BICD1: variants seen among roughly 807,000 people sequenced by gnomAD.
BICD1 encodes protein bicaudal D homolog 1.
In BICD1, 35 loss-of-function variants were observed where a neutral mutation model predicts 92.5. The ratio of observed to expected loss-of-function variants is 0.38; its 90% CI spans 0.29 to 0.50. The LOEUF is 0.50. Among genes scored for constraint, BICD1 ranks in the 20% least tolerant of loss-of-function variants. BICD1 has a pLI of 0.93. For synonymous variants in BICD1, 429 were observed against 465.1 expected (o/e 0.92, Z 1.00); for missense variants, 950 against 1,189.8 (o/e 0.80, Z 2.97).
At chr12:32,212,903 A>G (rs1295954236) in intron 1 of BICD1, among the ~76,000 whole-genome samples, 3 of 152,102 alleles carry the variant, frequency 2.0e-5, no homozygotes, top group Admixed American at 6.5e-5. Flanking sequence ...ACATTTATTT[A>G]TTTTTTAACT....
intron 1 of BICD1, among the ~76,000 whole-genome samples, chr12:32,145,117 C>T (rs1433535994): frequency 6.6e-6 from 1 of 152,186 alleles, no homozygotes; most frequent in Non-Finnish European, 1.5e-5. Context: ...TTGCATATTT[C>T]AGCACTTTGT....
rs550967774 is a variant in BICD1, at chr12:32,173,916, A to G, written c.214-42331A>G. ...TTTCTTACCAAGATTTCCAGAAACT[A>G]TTTTCATATTGAAACAAAAACAAAA... On this transcript the variant is annotated intron_variant, in intron 1 of 9. Coordinates refer to ENST00000652176, the MANE Select transcript of BICD1 (RefSeq NM_001714.4). Among the ~76,000 whole-genome samples, 3 of 152,294 alleles carry G rather than the reference A, an allele frequency of 2.0e-5. No individual in the cohort carries two copies. The South Asian group carries it at 6.2e-4, about 32-fold the overall frequency.
rs1222510176 is a variant in BICD1 at position 32,348,759 on chromosome 12, T to A, written c.2764+9780T>A. Among the ~76,000 whole-genome samples the A allele has an allele frequency of 6.0e-3, 150 of 24,870 alleles. 1 individual carries two copies. The highest frequency in any genetic ancestry group is 0.055 in the African/African-American group (135 of 2,442). The allele number at this position is 24,870 out of a possible 152,430, so 16.3% of individuals were successfully genotyped here. On this transcript the variant is annotated intron_variant, in intron 8 of 9. Transcript: ENST00000652176. ...ATATATATATATATATATATATATATATATATATATATATATATATCAGCA... is the reference window on the plus strand; with the variant it reads ...ATATATATATATATATATATATATAAATATATATATATATATATATCAGCA...
intron 8 of BICD1, among the ~76,000 whole-genome samples, chr12:32,342,214 A>G (rs1565684621): frequency 7.3e-6 from 1 of 137,524 alleles, no homozygotes; most frequent in African/African-American, 3.0e-5. Flanking sequence ...GTATATATAT[A>G]TATATATATA....
chr12:32,269,110 A>G (rs1427268229), intron 2 of BICD1, among the ~76,000 whole-genome samples: 1 of 151,984 alleles, frequency 6.6e-6, no homozygotes, highest in African/African-American at 2.4e-5. Context: ...ACATTTTGAG[A>G]AACTTTGTTG....
intron 1 of BICD1, among the ~76,000 whole-genome samples, chr12:32,132,415 CAA>C (rs34771538): frequency 1.8e-3 from 198 of 109,326 alleles, no homozygotes; most frequent in African/African-American, 5.0e-3. Context: ...GACTCTGTCT[CAA>C]AAAAAAAAAA....
chr12:32,286,818 G>A (rs1947582108), intron 2 of BICD1, among the ~76,000 whole-genome samples: 1 of 152,060 alleles, frequency 6.6e-6, no homozygotes, highest in Non-Finnish European at 1.5e-5. Context: ...TAGGGACACA[G>A]GATAACAAGG....
At chr12:32,123,739 G>A (rs1445015102) in intron 1 of BICD1, among the ~76,000 whole-genome samples, 1 of 152,084 alleles carries the variant, frequency 6.6e-6, no homozygotes, top group Non-Finnish European at 1.5e-5. Flanking sequence ...TAAGCCAGGC[G>A]TGGTGGCAGG....
intron 2 of BICD1, among the ~76,000 whole-genome samples, chr12:32,277,479 A>T (rs10506084): frequency 0.035 from 5,321 of 152,302 alleles, 310 homozygotes; most frequent in African/African-American, 0.12. Flanking sequence ...TCATTTGGGT[A>T]ACTATATTCA....
chr12:32,324,466 T>C (rs1948729700), intron 4 of BICD1, among the ~76,000 whole-genome samples: 1 of 152,342 alleles, frequency 6.6e-6, no homozygotes, highest in African/African-American at 2.4e-5. Flanking sequence ...TTTTATCCTC[T>C]GCACTTTAAA....
chr12:32,233,191 G>A (rs1052714324), intron 2 of BICD1, among the ~76,000 whole-genome samples: 13 of 152,004 alleles, frequency 8.6e-5, no homozygotes, highest in African/African-American at 2.4e-4. Flanking sequence ...GCATGGTGGC[G>A]GGCACATGTA....
intron 5 of BICD1, 149 bp from the exon 6 acceptor site, chr12:32,334,367 C>A: frequency 1.3e-6 from 1 of 777,604 alleles, no homozygotes; most frequent in Non-Finnish European, 1.8e-6. Flanking sequence ...TTCCCTGTGT[C>A]CAAAGCGCAT....
chr12:32,267,606 A>G (rs1033964941), intron 2 of BICD1, among the ~76,000 whole-genome samples: 4 of 152,034 alleles, frequency 2.6e-5, no homozygotes, highest in African/African-American at 9.7e-5. Context: ...TAAATTTATC[A>G]ATCCTTATTA....
At position 32,164,920 on chromosome 12, in the gene BICD1, C is replaced by T. The variant is rs754066453; in HGVS notation, c.214-51327C>T. 9.2e-5 allele frequency among the ~76,000 whole-genome samples: 14 copies of T among 152,218 alleles called. No individual in the cohort carries two copies. The Middle Eastern group carries it at 0.017, about 185-fold the overall frequency. On this transcript the variant is annotated intron_variant, in intron 1 of 9. Transcript: ENST00000652176. ...TTTTTAATGAGCTCCCTGACAACTG[C>T]GCATCCTGACAGCACGGGTGAAGTG... is the stretch of plus-strand genomic sequence containing the variant.
At chr12:32,247,390 G>A (rs900736401) in intron 2 of BICD1, among the ~76,000 whole-genome samples, 8 of 152,160 alleles carry the variant, frequency 5.3e-5, no homozygotes, top group African/African-American at 1.9e-4. Context: ...TGGGCTTGGA[G>A]GAGATAACCT....
intron 7 of BICD1, 190 bp from the exon 8 acceptor site, chr12:32,338,595 TC>T: frequency 2.0e-6 from 1 of 512,442 alleles, no homozygotes. Flanking sequence ...TTTTCCAGTA[TC>T]CAGAACAGTT....
At chr12:32,224,733 G>C (rs1042920246) in intron 2 of BICD1, among the ~76,000 whole-genome samples, 4 of 152,034 alleles carry the variant, frequency 2.6e-5, no homozygotes, top group African/African-American at 9.7e-5. Context: ...ATGGAGTCTT[G>C]CTCTGTCACC....
chr12:32,288,186 G>A (rs1260136377), intron 2 of BICD1, among the ~76,000 whole-genome samples: 1 of 151,220 alleles, frequency 6.6e-6, no homozygotes, highest in Non-Finnish European at 1.5e-5. Flanking sequence ...TTAATTGGGG[G>A]CCATTAATAT....
intron 2 of BICD1, among the ~76,000 whole-genome samples, chr12:32,235,551 AT>A (rs1245380094): frequency 3.5e-5 from 1 of 28,760 alleles, no homozygotes; most frequent in Non-Finnish European, 5.8e-5. Context: ...CTTGGAAGAT[AT>A]TGTGGGTTTT....
Sources: allele counts gnomAD v4.1 joint callset (sites outside exome capture counted in the v4.1 genomes callset), GRCh38; gene constraint gnomAD v4.1.1; transcripts MANE v1.5; gene names NCBI Gene and HGNC (gene_info 2026-07-23, HGNC 2026-07-21).